CCDC60: variants seen among roughly 807,000 people sequenced by gnomAD.
CCDC60 encodes coiled-coil domain containing 60.
CCDC60 carries 54 observed loss-of-function variants against 63.5 expected under a neutral mutation model. The ratio of observed to expected loss-of-function variants is 0.85; its 90% CI spans 0.68 to 1.07. CCDC60 has a LOEUF of 1.07. Among genes scored for constraint, CCDC60 ranks in the 50% least tolerant of loss-of-function variants. The pLI, the probability that CCDC60 is intolerant of heterozygous loss-of-function variation, is 0.00. For missense variants in CCDC60, 651 were observed against 684.3 expected, an observed-to-expected ratio of 0.95 and a Z score of 0.54; for synonymous variants, 206 against 238.8, an observed-to-expected ratio of 0.86 and a Z score of 1.27.
In CCDC60 at chr12:119,456,259, A is replaced by G. The variant is rs1950748126; in HGVS notation, c.171-15735A>G. Among the ~76,000 whole-genome samples, 1 of 152,180 alleles carries G rather than the reference A, an allele frequency of 6.6e-6. No homozygotes were observed. Among genetic ancestry groups the G allele is most frequent in the African/African-American group, 2.4e-5 (1 of 41,444 alleles). ...TAGGAATGATGAGATTTGCCTTTTC[A>G]AAAAAGCCCTGGGGCAGCCAGGTGG... On this transcript the variant is annotated intron_variant, in intron 2 of 13. Coordinates refer to ENST00000327554, the MANE Select transcript of CCDC60 (RefSeq NM_178499.5). The surrounding 1 kb of genome is among the most constrained non-coding windows in gnomAD (Gnocchi z 4.6).
chr12:119,523,046 G>A (rs1369051001), intron 10 of CCDC60, 45 bp downstream of exon 10: 1 of 1,514,782 alleles, frequency 6.6e-7, no homozygotes. Flanking sequence ...GAGGGAATAT[G>A]GTGACCACAC....
intron 2 of CCDC60, among the ~76,000 whole-genome samples, chr12:119,431,641 T>C (rs989389134): frequency 6.6e-6 from 1 of 152,016 alleles, no homozygotes; most frequent in African/African-American, 2.4e-5. Context: ...GCTGTTATCG[T>C]CATTGTTTTT....
At chr12:119,531,600 G>A (rs937485827) in intron 13 of CCDC60, among the ~76,000 whole-genome samples, 1 of 152,078 alleles carries the variant, frequency 6.6e-6, no homozygotes, top group Non-Finnish European at 1.5e-5. Flanking sequence ...GGAAAGAGCA[G>A]ATCAAGAAGA....
chr12:119,354,116 C>G (rs1955692537), intron 1 of CCDC60, among the ~76,000 whole-genome samples: 1 of 151,920 alleles, frequency 6.6e-6, no homozygotes, highest in Admixed American at 6.6e-5. Context: ...CTCCATTTCT[C>G]TCTCTCTCTT....
At chr12:119,471,418 C>A (rs1951055133) in intron 2 of CCDC60, among the ~76,000 whole-genome samples, 1 of 152,166 alleles carries the variant, frequency 6.6e-6, no homozygotes, top group African/African-American at 2.4e-5. Context: ...TGGAAGAGCC[C>A]ATCTTCTGTG....
rs562614684 is a variant in CCDC60 at position 119,492,455 on chromosome 12, C to A, written c.557+3589C>A. On this transcript the variant is annotated intron_variant, in intron 5 of 13. Coordinates refer to ENST00000327554, the MANE Select transcript of CCDC60 (RefSeq NM_178499.5). ...TTTTAAAAATTATGAATCTGGGGGG[C>A]AGTTTAAGTTCTCTATAAAGTATAA... is the stretch of plus-strand genomic sequence containing the variant. Among the ~76,000 whole-genome samples, 76 of 152,256 alleles carry A rather than the reference C, an allele frequency of 5.0e-4. 1 individual carries two copies. In the South Asian group the frequency reaches 0.016, roughly 32 times the overall value.
intron 1 of CCDC60, among the ~76,000 whole-genome samples, chr12:119,363,783 A>C (rs1955814616): frequency 6.6e-6 from 1 of 152,208 alleles, no homozygotes; most frequent in Non-Finnish European, 1.5e-5. Flanking sequence ...TGTAGGTGCG[A>C]AAATACCTTT....
chr12:119,429,940 C>T (rs974897067), intron 2 of CCDC60, among the ~76,000 whole-genome samples: 5 of 152,044 alleles, frequency 3.3e-5, no homozygotes, highest in Non-Finnish European at 7.4e-5. Flanking sequence ...ATATTTTTAA[C>T]TCAGTACCTC....
chr12:119,460,097 GT>G (rs1374977779), intron 2 of CCDC60, among the ~76,000 whole-genome samples: 1 of 35,296 alleles, frequency 2.8e-5, no homozygotes, highest in Non-Finnish European at 4.3e-5. Flanking sequence ...AGTAGGAGTG[GT>G]TAGTTAATAG....
chr12:119,540,587 G>A, intron 13 of CCDC60, 27 bp from the exon 14 acceptor site: 2 of 1,552,288 alleles, frequency 1.3e-6, no homozygotes. Context: ...AGCAAATTCT[G>A]AGATTGCCAC....
At position 119,334,857 on chromosome 12, in the gene CCDC60, A is replaced by C. The variant is rs1592970844; in HGVS notation, c.-320A>C. 2 of 213,500 alleles carry C rather than the reference A, an allele frequency of 9.4e-6. No individual in the cohort carries two copies. Among genetic ancestry groups the C allele is most frequent in the Non-Finnish European group, 1.8e-5 (2 of 108,880 alleles). 13.2% of individuals were successfully genotyped at this position (213,500 alleles called of 1,614,324 possible). On this transcript the variant is annotated 5_prime_UTR_variant, in exon 1 of 14. Coordinates refer to ENST00000327554, the MANE Select transcript of CCDC60 (RefSeq NM_178499.5). ...TGGAATTTTATTTATTTTTTAGTTCATATTTTATTTTGCTTATAGAAGAGA... is the reference window on the plus strand; with the variant it reads ...TGGAATTTTATTTATTTTTTAGTTCCTATTTTATTTTGCTTATAGAAGAGA...
intron 4 of CCDC60, among the ~76,000 whole-genome samples, chr12:119,483,887 C>T (rs1023631603): frequency 6.6e-6 from 1 of 151,472 alleles, no homozygotes; most frequent in Non-Finnish European, 1.5e-5. Context: ...TGACCTGACA[C>T]ATGATCATTA....
intron 12 of CCDC60, among the ~76,000 whole-genome samples, chr12:119,529,723 C>T (rs566442831): frequency 9.9e-5 from 15 of 152,090 alleles, no homozygotes; most frequent in East Asian, 9.7e-4. Flanking sequence ...GACCCTCTTA[C>T]GAAAGGGAGA....
At chr12:119,519,419 GTGTGTGTGTGTGT>G (rs1466998183) in intron 8 of CCDC60, among the ~76,000 whole-genome samples, 16 of 140,854 alleles carry the variant, frequency 1.1e-4, no homozygotes, top group Non-Finnish European at 2.0e-4. Flanking sequence ...GTGTGTGTGT[GTGTGTGTGTGTGT>G]GTGCGCGTGT....
intron 2 of CCDC60, among the ~76,000 whole-genome samples, chr12:119,447,491 A>C (rs553830567): frequency 6.6e-6 from 1 of 152,286 alleles, no homozygotes; most frequent in South Asian, 2.1e-4. Flanking sequence ...ATTATAAACC[A>C]GGGGGTAATT....
chr12:119,493,608 C>T (rs1475800110), intron 5 of CCDC60, among the ~76,000 whole-genome samples: 2 of 152,130 alleles, frequency 1.3e-5, no homozygotes, highest in Admixed American at 6.5e-5. Context: ...CATTTCTCAG[C>T]ATCCTTGTTA....
In CCDC60 at chr12:119,463,123, C is replaced by G. The variant is rs556253686; in HGVS notation, c.171-8871C>G. On this transcript the variant is annotated intron_variant, in intron 2 of 13. Transcript: ENST00000327554. The stretch of plus-strand genomic sequence containing the variant: ...ACAAGCATGAGCTGCCACGCCTAGC[C>G]TCAGTGCCTGTTCTGTTCTCTGCCC... Among the ~76,000 whole-genome samples the G allele has an allele frequency of 1.2e-4, 19 of 152,334 alleles. No homozygotes were observed. In the South Asian group the frequency reaches 3.7e-3, roughly 30 times the overall value.
intron 2 of CCDC60, among the ~76,000 whole-genome samples, chr12:119,459,878 C>G (rs1161019589): frequency 1.3e-5 from 2 of 152,202 alleles, no homozygotes; most frequent in Non-Finnish European, 2.9e-5. Flanking sequence ...GCTGATTTGA[C>G]TATAATAAAT....
At chr12:119,504,223 T>A (rs1951931126) in intron 6 of CCDC60, among the ~76,000 whole-genome samples, 1 of 152,198 alleles carries the variant, frequency 6.6e-6, no homozygotes, top group African/African-American at 2.4e-5. Flanking sequence ...TGCTGTGACC[T>A]TGAGGAGGTT....
Sources: allele counts gnomAD v4.1 joint callset (sites outside exome capture counted in the v4.1 genomes callset), GRCh38; gene constraint gnomAD v4.1.1; non-coding constraint Gnocchi (gnomAD v3.1); transcripts MANE v1.5; gene names NCBI Gene and HGNC (gene_info 2026-07-23, HGNC 2026-07-21).